The following TXNDC11 variants were observed in gnomAD, a reference collection of about 807,000 sequenced individuals.
TXNDC11 encodes the protein thioredoxin domain containing 11.
Under a neutral mutation model 78.0 loss-of-function variants are expected in TXNDC11, and 68 were observed. The ratio of observed to expected loss-of-function variants is 0.87; its 90% confidence interval spans 0.72 to 1.07. The LOEUF (loss-of-function observed/expected upper bound fraction) is 1.07. Among genes scored for constraint, TXNDC11 ranks in the 50% least tolerant of loss-of-function variants. The pLI is 0.00. For synonymous variants in TXNDC11, 571 were observed against 495.2 expected (o/e 1.15, Z -2.03); for missense variants, 1,389 against 1,221.8 (o/e 1.14, Z -2.04).
At chr16:11,700,366 A>ATT in intron 6 of TXNDC11, 86 bp downstream of exon 6, 1 of 627,620 alleles carries the variant, frequency 1.6e-6, no homozygotes, top group Non-Finnish European at 2.8e-6. Flanking sequence ...GTGTCCATAG[A>ATT]TTTTAACCAA....
chr16:11,709,710 C>T (rs931738968), intron 5 of TXNDC11, among the ~76,000 whole-genome samples: 3 of 152,044 alleles, frequency 2.0e-5, no homozygotes, highest in African/African-American at 7.2e-5. Context: ...GCTGGGATTA[C>T]AGGCGTGAGC....
intron 11 of TXNDC11, among the ~76,000 whole-genome samples, chr16:11,681,692 G>T (rs1298550545): frequency 6.6e-6 from 1 of 152,086 alleles, no homozygotes; most frequent in African/African-American, 2.4e-5. Flanking sequence ...CCTGGCCCAG[G>T]GCCAGGCCAG....
chr16:11,691,261 T>C, intron 8 of TXNDC11, 29 bp downstream of exon 8: 2 of 1,575,590 alleles, frequency 1.3e-6, no homozygotes, highest in South Asian at 2.3e-5. Context: ...AAATGTACAA[T>C]GCTTGGGGAA....
intron 3 of TXNDC11, among the ~76,000 whole-genome samples, chr16:11,733,264 A>G (rs2052108298): frequency 6.6e-6 from 1 of 151,980 alleles, no homozygotes; most frequent in East Asian, 1.9e-4. Context: ...CTCAAAATAA[A>G]ATAAAATAAA....
intron 4 of TXNDC11, among the ~76,000 whole-genome samples, chr16:11,726,579 CAA>C (rs35512803): frequency 3.1e-3 from 258 of 82,960 alleles, no homozygotes; most frequent in Middle Eastern, 7.6e-3. Context: ...GACTCCACCT[CAA>C]AAAAAAAAAA....
At chr16:11,707,355 A>C (rs1388624574) in intron 5 of TXNDC11, among the ~76,000 whole-genome samples, 1 of 151,846 alleles carries the variant, frequency 6.6e-6, no homozygotes, top group African/African-American at 2.4e-5. Context: ...GGAGGTGAAA[A>C]AAAAAAAAAC....
chr16:11,738,732 T>C (rs933267853), intron 1 of TXNDC11, among the ~76,000 whole-genome samples: 2 of 151,960 alleles, frequency 1.3e-5, no homozygotes, highest in African/African-American at 4.8e-5. Context: ...TTTTCTACCA[T>C]TCAAACTGCA....
At chr16:11,736,348 T>C (rs140627544) in intron 1 of TXNDC11, 115 bp from the exon 2 acceptor site, 11 of 826,130 alleles carry the variant, frequency 1.3e-5, no homozygotes, top group Non-Finnish European at 1.7e-5. Flanking sequence ...GAAAATGGAG[T>C]CCCAAAATCA....
chr16:11,694,963 T>C (rs930114890), intron 7 of TXNDC11, among the ~76,000 whole-genome samples: 2 of 152,256 alleles, frequency 1.3e-5, no homozygotes, highest in African/African-American at 2.4e-5. Context: ...TTTTCTTTAA[T>C]CAGGGAAATC....
intron 1 of TXNDC11, among the ~76,000 whole-genome samples, chr16:11,738,864 C>T (rs1242309818): frequency 6.6e-6 from 1 of 152,016 alleles, no homozygotes; most frequent in Non-Finnish European, 1.5e-5. Context: ...CCCATTTCTA[C>T]TAAAAATACA....
rs573385211 is a variant in TXNDC11, at chr16:11,697,930, C to G, written c.1107+195G>C. On this transcript the variant is annotated intron_variant, in intron 7 of 11. Coordinates refer to ENST00000283033, the MANE Select transcript of TXNDC11 (RefSeq NM_015914.7). ...CTGTCAATAAATATGGCCAGAGAGG[C>G]TGCGGCAGTCCCTGTCCTAGACACG... Among the ~76,000 whole-genome samples, 67 of 152,344 alleles carry G rather than the reference C, an allele frequency of 4.4e-4. 1 individual carries two copies. The highest frequency in any genetic ancestry group is 1.6e-3 in the African/African-American group (65 of 41,580).
intron 2 of TXNDC11, among the ~76,000 whole-genome samples, chr16:11,735,262 G>T (rs886817404): frequency 4.6e-5 from 7 of 152,106 alleles, no homozygotes; most frequent in African/African-American, 1.7e-4. Flanking sequence ...ATCAGTCTAC[G>T]TTTGTAACTA....
At position 11,679,508 on chromosome 16, in the gene TXNDC11, T is replaced by A; in HGVS notation, c.2564A>T (p.His855Leu). Residue 855 changes from histidine to leucine, a missense_variant, in exon 12 of 12, where the codon CAC becomes CTC. Transcript: ENST00000283033. This position sits in a 1 kb window ranked among gnomAD's most constrained non-coding sequence, Gnocchi z 4.6. ...LEEQHSLLHA[H>L]SEQLQALYEQ... ...ATAGAGGGCCTGCAGCTGCTCACTG[T>A]GTGCGTGGAGCAGGCTGTGCTGCTC... The A allele has an allele frequency of 6.2e-7, 1 of 1,613,456 alleles. No homozygotes were observed. The highest frequency in any genetic ancestry group is 8.5e-7 in the Non-Finnish European group (1 of 1,180,000).
At chr16:11,707,869 G>C (rs747351074) in intron 5 of TXNDC11, among the ~76,000 whole-genome samples, 21 of 152,014 alleles carry the variant, frequency 1.4e-4, no homozygotes, top group Non-Finnish European at 2.6e-4. Flanking sequence ...GATCACTTGA[G>C]GCCAGGAGGT....
intron 7 of TXNDC11, among the ~76,000 whole-genome samples, chr16:11,694,662 G>C (rs1221083115): frequency 1.3e-5 from 2 of 152,138 alleles, no homozygotes; most frequent in Admixed American, 1.3e-4. Flanking sequence ...TGGCCAGGCT[G>C]GTCTTGAATT....
intron 4 of TXNDC11, among the ~76,000 whole-genome samples, chr16:11,723,371 G>C (rs928950584): frequency 3.9e-5 from 6 of 152,078 alleles, no homozygotes; most frequent in African/African-American, 1.4e-4. Flanking sequence ...GATCACTTGA[G>C]GTCGGGAGTT....
At chr16:11,690,536 G>A (rs1446202078) in intron 8 of TXNDC11, among the ~76,000 whole-genome samples, 4 of 152,096 alleles carry the variant, frequency 2.6e-5, no homozygotes, top group East Asian at 1.9e-4. Flanking sequence ...GAGGCAAGGC[G>A]GCTCTACTTC....
chr16:11,685,411 C>T (rs561643343), intron 10 of TXNDC11, among the ~76,000 whole-genome samples: 3 of 151,954 alleles, frequency 2.0e-5, no homozygotes, highest in African/African-American at 4.8e-5. Flanking sequence ...TTTAGGAGGC[C>T]GAGGCAGGCA....
intron 5 of TXNDC11, among the ~76,000 whole-genome samples, chr16:11,717,576 C>G (rs925282416): frequency 2.0e-5 from 3 of 151,510 alleles, no homozygotes; most frequent in Non-Finnish European, 4.4e-5. Flanking sequence ...AATCCCAGCA[C>G]TTTGGGAGGC....
Sources: allele counts gnomAD v4.1 joint callset (sites outside exome capture counted in the v4.1 genomes callset), GRCh38; gene constraint gnomAD v4.1.1; non-coding constraint Gnocchi (gnomAD v3.1); transcripts MANE v1.5; gene names NCBI Gene and HGNC (gene_info 2026-07-23, HGNC 2026-07-21).